Variants in CDH18 observed in about 807,000 individuals in gnomAD.
CDH18 encodes the protein cadherin-18.
Under a neutral mutation model 67.9 loss-of-function variants are expected in CDH18, and 31 were observed. The observed-to-expected ratio is 0.46, with a 90% CI of 0.34 to 0.62. The LOEUF is 0.62. Ranked by LOEUF, CDH18 falls within the 20% of genes least tolerant of loss-of-function variation. CDH18 has a pLI of 0.01. For missense variants in CDH18, 890 were observed against 975.5 expected, an observed-to-expected ratio of 0.91 and a Z score of 1.17; for synonymous variants, 362 against 347.2, an observed-to-expected ratio of 1.04 and a Z score of -0.48.
intron 2 of CDH18, among the ~76,000 whole-genome samples, chr5:20,186,690 T>G (rs1229162965): frequency 6.6e-6 from 1 of 151,952 alleles, no homozygotes; most frequent in Non-Finnish European, 1.5e-5. Flanking sequence ...AGATCCCTTG[T>G]ACATTGCTGG....
intron 3 of CDH18, among the ~76,000 whole-genome samples, chr5:19,838,160 T>A (rs920952690): frequency 6.6e-6 from 1 of 152,210 alleles, no homozygotes; most frequent in African/African-American, 2.4e-5. Context: ...GCATACTTAA[T>A]CTATATTAAA....
chr5:19,707,772 C>G (rs1764155896), intron 5 of CDH18, among the ~76,000 whole-genome samples: 2 of 152,166 alleles, frequency 1.3e-5, no homozygotes, highest in Admixed American at 1.3e-4. Context: ...TATTTGTAAA[C>G]AGGATTGGAC....
intron 2 of CDH18, among the ~76,000 whole-genome samples, chr5:19,847,199 A>C (rs1349719976): frequency 6.6e-6 from 1 of 151,892 alleles, no homozygotes; most frequent in East Asian, 1.9e-4. Flanking sequence ...TTCTGCCATC[A>C]TTTCTTTAAG....
At chr5:20,045,865 C>T (rs1444517892) in intron 2 of CDH18, among the ~76,000 whole-genome samples, 25 of 151,982 alleles carry the variant, frequency 1.6e-4, no homozygotes, top group Admixed American at 1.6e-3. Flanking sequence ...CACCAGACAT[C>T]GAATCTGTTG....
intron 1 of CDH18, among the ~76,000 whole-genome samples, chr5:20,551,552 T>C (rs1757633297): frequency 7.2e-6 from 1 of 138,528 alleles, no homozygotes; most frequent in Admixed American, 7.6e-5. Context: ...CTACAGCTGA[T>C]CTCTACAGCT....
chr5:19,726,016 A>G (rs1766797161), intron 4 of CDH18, among the ~76,000 whole-genome samples: 1 of 152,208 alleles, frequency 6.6e-6, no homozygotes, highest in Non-Finnish European at 1.5e-5. Flanking sequence ...TCATGGAAAA[A>G]GCTCAGAAGC....
chr5:20,187,245 T>C (rs1738171639), intron 2 of CDH18, among the ~76,000 whole-genome samples: 1 of 151,896 alleles, frequency 6.6e-6, no homozygotes, highest in Admixed American at 6.6e-5. Flanking sequence ...AATGTACATA[T>C]GGCCATAGAT....
chr5:19,741,124 A>G (rs975307504), intron 4 of CDH18, among the ~76,000 whole-genome samples: 16 of 115,786 alleles, frequency 1.4e-4, no homozygotes, highest in African/African-American at 3.6e-4. Flanking sequence ...CTATATGTAT[A>G]CATGTAAATA....
At chr5:20,000,077 AG>A (rs759671280) in intron 2 of CDH18, among the ~76,000 whole-genome samples, 18 of 151,250 alleles carry the variant, frequency 1.2e-4, no homozygotes, top group Non-Finnish European at 1.9e-4. Flanking sequence ...CTATATGGTG[AG>A]GGGGTGGGAG....
At chr5:19,550,531 G>A (rs1737230315) in intron 8 of CDH18, among the ~76,000 whole-genome samples, 1 of 151,062 alleles carries the variant, frequency 6.6e-6, no homozygotes, top group African/African-American at 2.4e-5. Context: ...TTTTGTCCTT[G>A]CGATAGTTTG....
At chr5:20,101,234 T>C (rs995286220) in intron 2 of CDH18, among the ~76,000 whole-genome samples, 13 of 152,148 alleles carry the variant, frequency 8.5e-5, no homozygotes, top group Admixed American at 3.3e-4. Context: ...AATGCTGACA[T>C]TACAGGCATG....
At chr5:19,607,068 A>G (rs1748173087) in intron 6 of CDH18, among the ~76,000 whole-genome samples, 1 of 151,686 alleles carries the variant, frequency 6.6e-6, no homozygotes, top group Admixed American at 6.6e-5. Context: ...TTCTATTCTG[A>G]TTGGAAATAC....
chr5:20,313,083 A>T (rs915026890), intron 1 of CDH18, among the ~76,000 whole-genome samples: 15 of 152,106 alleles, frequency 9.9e-5, no homozygotes, highest in Non-Finnish European at 7.4e-5. Flanking sequence ...AATAACAAGG[A>T]TAAATAATTT....
At chr5:19,576,688 A>G (rs1742361933) in intron 7 of CDH18, among the ~76,000 whole-genome samples, 1 of 152,180 alleles carries the variant, frequency 6.6e-6, no homozygotes, top group South Asian at 2.1e-4. Flanking sequence ...AAGGTTCCTC[A>G]AAAAACTGAA....
At chr5:19,608,199 T>C (rs904256745) in intron 6 of CDH18, among the ~76,000 whole-genome samples, 1 of 151,766 alleles carries the variant, frequency 6.6e-6, no homozygotes, top group Non-Finnish European at 1.5e-5. Context: ...GAATTTATCT[T>C]ATTTCAAAGT....
intron 1 of CDH18, among the ~76,000 whole-genome samples, chr5:20,560,482 C>T (rs974583329): frequency 1.3e-5 from 2 of 150,328 alleles, no homozygotes; most frequent in African/African-American, 2.4e-5. Context: ...CACACACACA[C>T]ACACACACAC....
intron 9 of CDH18, among the ~76,000 whole-genome samples, chr5:19,532,190 A>T (rs72737428): frequency 0.03 from 4,578 of 152,218 alleles, 115 homozygotes; most frequent in Admixed American, 0.072. Context: ...CCATTTGACA[A>T]CATTTTTCTA....
At chr5:20,447,493 C>T (rs1367392790) in intron 1 of CDH18, among the ~76,000 whole-genome samples, 2 of 152,090 alleles carry the variant, frequency 1.3e-5, no homozygotes, top group Non-Finnish European at 2.9e-5. Context: ...AAGTTGTCAT[C>T]TTGGAAGCAG....
At chr5:19,610,339 CATA>C (rs1477300690) in intron 6 of CDH18, among the ~76,000 whole-genome samples, 2 of 151,950 alleles carry the variant, frequency 1.3e-5, no homozygotes, top group African/African-American at 2.4e-5. Flanking sequence ...TATTGATCAA[CATA>C]ATAAAATTAG....
Sources: allele counts gnomAD v4.1 joint callset (sites outside exome capture counted in the v4.1 genomes callset), GRCh38; gene constraint gnomAD v4.1.1; transcripts MANE v1.5; gene names NCBI Gene and HGNC (gene_info 2026-07-23, HGNC 2026-07-21).